SS18: variants seen among roughly 807,000 people sequenced by gnomAD.
SS18 encodes the protein SS18 subunit of BAF chromatin remodeling complex, also known as protein SSXT.
SS18 carries 28 observed loss-of-function variants against 72.5 expected under a neutral mutation model. That is an observed-to-expected ratio of 0.39 (90% CI 0.29 to 0.53). SS18 has a LOEUF of 0.53. SS18 is among the 20% of genes least tolerant of loss of function. The pLI, the probability that SS18 is intolerant of heterozygous loss-of-function variation, is 0.76. For missense variants in SS18, 518 were observed against 535.3 expected, an observed-to-expected ratio of 0.97 and a Z score of 0.32; for synonymous variants, 172 against 164.2, an observed-to-expected ratio of 1.05 and a Z score of -0.37.
chr18:26,053,288 G>C (rs898627955), intron 4 of SS18, among the ~76,000 whole-genome samples: 2 of 152,094 alleles, frequency 1.3e-5, no homozygotes, highest in Admixed American at 6.5e-5. Flanking sequence ...CAACTGGGGA[G>C]CCATCTGGAA....
intron 3 of SS18, among the ~76,000 whole-genome samples, chr18:26,067,250 G>T (rs1004140240): frequency 6.6e-6 from 1 of 152,100 alleles, no homozygotes; most frequent in African/African-American, 2.4e-5. Context: ...ACCATGCTAG[G>T]TACCAGTGAA....
intron 5 of SS18, among the ~76,000 whole-genome samples, chr18:26,046,847 A>C (rs891083302): frequency 3.3e-5 from 5 of 152,226 alleles, no homozygotes; most frequent in Non-Finnish European, 1.5e-5. Context: ...ATCACTGACA[A>C]AATCTAAAAG....
chr18:26,020,051 T>C (rs2053321031), intron 10 of SS18, among the ~76,000 whole-genome samples: 1 of 152,186 alleles, frequency 6.6e-6, no homozygotes, highest in Non-Finnish European at 1.5e-5. Flanking sequence ...CTCTTTTCTA[T>C]ATGTGTTTAA....
intron 5 of SS18, among the ~76,000 whole-genome samples, chr18:26,041,701 C>T (rs1874405150): frequency 6.6e-6 from 1 of 151,738 alleles, no homozygotes; most frequent in South Asian, 2.1e-4. Flanking sequence ...ATAACTAAAA[C>T]CTATAATATT....
At chr18:26,072,861 T>C (rs545286207) in intron 3 of SS18, among the ~76,000 whole-genome samples, 18 of 146,182 alleles carry the variant, frequency 1.2e-4, no homozygotes, top group African/African-American at 4.3e-4. Flanking sequence ...CAGTCCACAA[T>C]TTGACTTGTA....
intron 3 of SS18, chr18:26,064,699 A>C (rs1245009314): frequency 6.6e-6 from 1 of 152,148 alleles, no homozygotes; most frequent in African/African-American, 2.4e-5. Context: ...TAAGACAAGA[A>C]TATACATCAC....
rs770450972 is a variant in SS18, at chr18:26,035,135, A to G, written c.974-8T>C. On this transcript the variant is annotated splice_polypyrimidine_tract_variant and splice_region_variant and intron_variant, in intron 8 of 10. Transcript: ENST00000415083. The surrounding 1 kb of genome is among the most constrained non-coding windows in gnomAD (Gnocchi z 4.4). ...GGCCATACTGTGAATTTCCTACAGG[A>G]TAATTGGAGAAGAGGAAAAAAAACT... 3.7e-6 allele frequency: 6 copies of G among 1,611,550 alleles called. No individual in the cohort carries two copies. The South Asian group carries it at 4.4e-5, about 12-fold the overall frequency.
chr18:26,062,540 C>T (rs2054142155), intron 3 of SS18, among the ~76,000 whole-genome samples: 1 of 152,008 alleles, frequency 6.6e-6, no homozygotes, highest in Non-Finnish European at 1.5e-5. Context: ...GACACAAATC[C>T]TACTATATCA....
chr18:26,053,273 T>G (rs1037690984), intron 4 of SS18, among the ~76,000 whole-genome samples: 4 of 152,324 alleles, frequency 2.6e-5, no homozygotes, highest in Middle Eastern at 3.4e-3. Flanking sequence ...TAAATGGTAT[T>G]GTGACAACTG....
At chr18:26,053,646 A>G (rs2053962406) in intron 4 of SS18, among the ~76,000 whole-genome samples, 2 of 152,204 alleles carry the variant, frequency 1.3e-5, no homozygotes, top group African/African-American at 4.8e-5. Flanking sequence ...GAATGGGCAA[A>G]GGACATAATG....
upstream of SS18, chr18:26,090,850 C>G (rs1030012933): frequency 2.0e-6 from 1 of 505,428 alleles, no homozygotes. Flanking sequence ...GCCCTTTGCG[C>G]TAATGGTAGA....
rs1388309952 is a variant in SS18, at chr18:26,032,536, A to G, written c.1097-4T>C. On this transcript the variant is annotated splice_region_variant and splice_polypyrimidine_tract_variant and intron_variant, in intron 9 of 10. Coordinates refer to ENST00000415083, the MANE Select transcript of SS18 (RefSeq NM_001007559.3). ...CCTGGACCACCCTGTGAAGGACCTG[A>G]AAATAATGTACACAACAAAAACCCA... The G allele has an allele frequency of 2.5e-6, 4 of 1,613,232 alleles. No homozygotes were observed. Among genetic ancestry groups the G allele is most frequent in the Non-Finnish European group, 3.4e-6 (4 of 1,179,642 alleles).
chr18:26,074,369 A>G (rs576525128), intron 3 of SS18, among the ~76,000 whole-genome samples: 2 of 151,954 alleles, frequency 1.3e-5, no homozygotes, highest in East Asian at 1.9e-4. Context: ...TTATCCCCAA[A>G]AATCTGAAAA....
intron 6 of SS18, 53 bp from the exon 7 acceptor site, chr18:26,038,712 A>C: frequency 1.4e-6 from 2 of 1,414,012 alleles, no homozygotes; most frequent in Non-Finnish European, 2.0e-6. Flanking sequence ...TATGTCATCA[A>C]AGGCTTTCTT....
At position 26,018,149 on chromosome 18, in the gene SS18, T is replaced by A; in HGVS notation, c.*205A>T. ...CCAATGTTGCCATCTAGAGTAGAAATGTGAAATCAAGAGTATTTTTGAGCT... is the reference window on the plus strand; with the variant it reads ...CCAATGTTGCCATCTAGAGTAGAAAAGTGAAATCAAGAGTATTTTTGAGCT... On this transcript the variant is annotated 3_prime_UTR_variant, in exon 11 of 11. Transcript: ENST00000415083. 2.1e-6 allele frequency: 1 copy of A among 465,930 alleles called. No individual in the cohort carries two copies. The highest frequency in any genetic ancestry group is 3.9e-6 in the Non-Finnish European group (1 of 259,704). 28.9% of individuals were successfully genotyped at this position (465,930 alleles called of 1,614,324 possible).
At chr18:26,045,124 A>G (rs1210047185) in intron 5 of SS18, among the ~76,000 whole-genome samples, 1 of 152,224 alleles carries the variant, frequency 6.6e-6, no homozygotes, top group African/African-American at 2.4e-5. Context: ...CTTAAATACA[A>G]CAAGAGCCTC....
intron 2 of SS18, chr18:26,081,450 C>CA (rs1334972389): frequency 3.3e-5 from 5 of 152,228 alleles, no homozygotes; most frequent in African/African-American, 1.2e-4. Context: ...CTCGGCCTCT[C>CA]AAAGTGCTGG....
chr18:26,087,123 T>G (rs1250640970), intron 2 of SS18, among the ~76,000 whole-genome samples: 2 of 152,202 alleles, frequency 1.3e-5, no homozygotes, highest in Non-Finnish European at 2.9e-5. Flanking sequence ...TCAACATGGA[T>G]GAACCTCGGA....
At chr18:26,028,095 C>G (rs1452858887) in intron 10 of SS18, among the ~76,000 whole-genome samples, 1 of 151,184 alleles carries the variant, frequency 6.6e-6, no homozygotes, top group Non-Finnish European at 1.5e-5. Context: ...TCTTAATACT[C>G]AATAATAAAA....
Sources: allele counts gnomAD v4.1 joint callset (sites outside exome capture counted in the v4.1 genomes callset), GRCh38; gene constraint gnomAD v4.1.1; non-coding constraint Gnocchi (gnomAD v3.1); transcripts MANE v1.5; gene names NCBI Gene and HGNC (gene_info 2026-07-23, HGNC 2026-07-21).